Variants in SLC9A9 observed in about 807,000 individuals in gnomAD.
SLC9A9 encodes the protein sodium/hydrogen exchanger 9.
Under a neutral mutation model 77.8 loss-of-function variants are expected in SLC9A9, and 62 were observed. The ratio of observed to expected loss-of-function variants is 0.80; its 90% confidence interval spans 0.65 to 0.98. The LOEUF is 0.98. Ranked by LOEUF, SLC9A9 falls within the 50% of genes least tolerant of loss-of-function variation. The pLI is 0.00. For synonymous variants in SLC9A9, 320 were observed against 283.5 expected (o/e 1.13, Z -1.29); for missense variants, 775 against 774.9 (o/e 1.00, Z 0.00).
At chr3:143,528,138 G>A (rs1042236641) in intron 9 of SLC9A9, among the ~76,000 whole-genome samples, 6 of 152,168 alleles carry the variant, frequency 3.9e-5, no homozygotes, top group Non-Finnish European at 8.8e-5. Flanking sequence ...AGAGAAAACT[G>A]GATATCCCTC....
At chr3:143,699,471 T>A (rs940204176) in intron 4 of SLC9A9, among the ~76,000 whole-genome samples, 1 of 152,178 alleles carries the variant, frequency 6.6e-6, no homozygotes, top group Non-Finnish European at 1.5e-5. Context: ...CTCCATCTCC[T>A]GGCAGCAGCA....
intron 14 of SLC9A9, among the ~76,000 whole-genome samples, chr3:143,341,304 C>T (rs539501530): frequency 5.9e-5 from 9 of 151,946 alleles, no homozygotes; most frequent in Non-Finnish European, 1.0e-4. Context: ...GAGATGGGGT[C>T]GGTTTGGGAG....
chr3:143,521,323 G>C (rs1177794775), intron 9 of SLC9A9, among the ~76,000 whole-genome samples: 1 of 152,148 alleles, frequency 6.6e-6, no homozygotes, highest in African/African-American at 2.4e-5. Flanking sequence ...AAAGGGGCCT[G>C]AAGGGGGCTT....
At chr3:143,630,271 G>A (rs2038399691) in intron 6 of SLC9A9, among the ~76,000 whole-genome samples, 1 of 152,122 alleles carries the variant, frequency 6.6e-6, no homozygotes, top group Non-Finnish European at 1.5e-5. Flanking sequence ...TTTAAGTAGG[G>A]AAAAGAGGCA....
At position 143,517,338 on chromosome 3, in the gene SLC9A9, G is replaced by A. The variant is rs983349132; in HGVS notation, c.1090-21890C>T. The A allele has an allele frequency of 3.8e-5, 48 of 1,257,018 alleles. No homozygotes were observed. The African/African-American group carries it at 6.7e-4, about 18-fold the overall frequency. 77.9% of individuals were successfully genotyped at this position (1,257,018 alleles called of 1,614,324 possible). ...CCAGGCATGCCCCCTCCCATTCCAG[G>A]CATTCCTCCAGGAAAATTACCAGGC... is the stretch of plus-strand genomic sequence containing the variant. On this transcript the variant is annotated intron_variant, in intron 9 of 15. Coordinates refer to ENST00000316549, the MANE Select transcript of SLC9A9 (RefSeq NM_173653.4).
intron 12 of SLC9A9, among the ~76,000 whole-genome samples, chr3:143,408,457 C>T (rs1172002711): frequency 6.6e-6 from 1 of 152,166 alleles, no homozygotes; most frequent in African/African-American, 2.4e-5. Context: ...CTGCTATTAG[C>T]ACTGTATAAT....
intron 5 of SLC9A9, among the ~76,000 whole-genome samples, chr3:143,675,380 T>C (rs1429288596): frequency 6.6e-6 from 1 of 152,228 alleles, no homozygotes; most frequent in Admixed American, 6.5e-5. Flanking sequence ...CCTCCTGGCT[T>C]CTAATTTCAG....
At chr3:143,685,395 T>C (rs946252141) in intron 5 of SLC9A9, among the ~76,000 whole-genome samples, 1 of 152,094 alleles carries the variant, frequency 6.6e-6, no homozygotes, top group African/African-American at 2.4e-5. Context: ...ATGTGCCCTA[T>C]CTAATGTTAC....
At chr3:143,312,493 C>T (rs2108438591) in intron 14 of SLC9A9, among the ~76,000 whole-genome samples, 1 of 152,350 alleles carries the variant, frequency 6.6e-6, no homozygotes, top group South Asian at 2.1e-4. Context: ...ATGGCCCTTC[C>T]AAGTGGGACA....
intron 8 of SLC9A9, among the ~76,000 whole-genome samples, chr3:143,563,486 CTT>C (rs1446477662): frequency 6.6e-6 from 1 of 152,148 alleles, no homozygotes; most frequent in African/African-American, 2.4e-5. Context: ...AGTTCAGACA[CTT>C]TGCTAGTTTG....
At chr3:143,725,983 C>T (rs1321979468) in intron 4 of SLC9A9, among the ~76,000 whole-genome samples, 2 of 151,872 alleles carry the variant, frequency 1.3e-5, no homozygotes, top group African/African-American at 2.4e-5. Flanking sequence ...AAATGAGTCA[C>T]CTTACCACAT....
At chr3:143,454,230 G>A (rs2035052029) in intron 12 of SLC9A9, among the ~76,000 whole-genome samples, 3 of 152,182 alleles carry the variant, frequency 2.0e-5, no homozygotes, top group Admixed American at 1.3e-4. Context: ...CACTGCTAAA[G>A]TGATTTACAG....
intron 6 of SLC9A9, among the ~76,000 whole-genome samples, chr3:143,644,111 T>C (rs147893373): frequency 3.9e-5 from 6 of 152,280 alleles, no homozygotes; most frequent in Admixed American, 6.5e-5. Flanking sequence ...AAAGAACAGA[T>C]AGACAGCCAT....
intron 12 of SLC9A9, among the ~76,000 whole-genome samples, chr3:143,459,734 C>T (rs1353472438): frequency 6.6e-6 from 1 of 152,060 alleles, no homozygotes; most frequent in African/African-American, 2.4e-5. Context: ...TTCTACCTTC[C>T]CAAAGCCTCT....
chr3:143,648,499 C>G (rs979662216), intron 6 of SLC9A9, among the ~76,000 whole-genome samples: 3 of 152,212 alleles, frequency 2.0e-5, no homozygotes, highest in African/African-American at 7.2e-5. Context: ...GCCCATTGCT[C>G]ACCTCCTGCT....
In SLC9A9 at chr3:143,552,432, A is replaced by G. The variant is rs939322655; in HGVS notation, c.1019T>C (p.Phe340Ser). The G allele has an allele frequency of 1.9e-6, 3 of 1,613,016 alleles. No homozygotes were observed. In the African/African-American group the frequency reaches 4.0e-5, roughly 22 times the overall value. ...AGLTGIVAVL[F>S]CGVTQAHYTY... Reference sequence around the variant, plus strand: ...ATAATGTGCTTGTGTGACTCCACAGAAGAGAACAGCAACTATCCCTGAAAT... The same window carrying G: ...ATAATGTGCTTGTGTGACTCCACAGGAGAGAACAGCAACTATCCCTGAAAT... Residue 340 changes from phenylalanine to serine, a missense_variant, in exon 9 of 16, where the codon TTC (phenylalanine) becomes TCC (serine). Transcript: ENST00000316549.
intron 14 of SLC9A9, among the ~76,000 whole-genome samples, chr3:143,359,114 T>C (rs1486120175): frequency 2.0e-5 from 3 of 152,222 alleles, no homozygotes. Flanking sequence ...CTTAGCAGCC[T>C]TCTGATAATT....
intron 14 of SLC9A9, among the ~76,000 whole-genome samples, chr3:143,321,368 A>G (rs149882883): frequency 0.028 from 4,315 of 152,294 alleles, 76 homozygotes; most frequent in South Asian, 0.041. Flanking sequence ...GGACGGAAAT[A>G]GGTAGAATTA....
intron 5 of SLC9A9, among the ~76,000 whole-genome samples, chr3:143,665,627 C>T (rs925978458): frequency 6.6e-6 from 1 of 151,908 alleles, no homozygotes; most frequent in African/African-American, 2.4e-5. Context: ...CAAATAGACA[C>T]AATAAAAAAT....
Sources: allele counts gnomAD v4.1 joint callset (sites outside exome capture counted in the v4.1 genomes callset), GRCh38; gene constraint gnomAD v4.1.1; transcripts MANE v1.5; gene names NCBI Gene and HGNC (gene_info 2026-07-23, HGNC 2026-07-21).